The following AUTS2 variants were observed in gnomAD, a reference collection of about 807,000 sequenced individuals.
AUTS2 encodes the protein activator of transcription and developmental regulator AUTS2, also known as autism susceptibility gene 2 protein.
AUTS2 carries 17 observed loss-of-function variants against 112.4 expected under a neutral mutation model. The observed-to-expected ratio is 0.15, with a 90% CI of 0.10 to 0.23. The LOEUF (loss-of-function observed/expected upper bound fraction) is 0.23. Among genes scored for constraint, AUTS2 ranks in the 10% least tolerant of loss-of-function variants. The pLI, the probability that AUTS2 is intolerant of heterozygous loss-of-function variation, is 1.00. For missense variants in AUTS2, 1,510 were observed against 1,701.6 expected, an observed-to-expected ratio of 0.89 and a Z score of 1.98; for synonymous variants, 751 against 702.7, an observed-to-expected ratio of 1.07 and a Z score of -1.09.
Position 70,792,324 on chromosome 7 carries a change from T to G in AUTS2, c.*1328T>G, listed in dbSNP as rs1160287655. On this transcript the variant is annotated 3_prime_UTR_variant, in exon 19 of 19. Transcript: ENST00000342771. The stretch of plus-strand genomic sequence containing the variant: ...CTCTTCATAATACTTTTATAATACA[T>G]TAAGCCTCTTGTCTACATATTTGGA... 6.6e-6 allele frequency: 1 copy of G among 152,586 alleles called. No individual in the cohort carries two copies. The highest frequency in any genetic ancestry group is 1.9e-4 in the East Asian group (1 of 5,192). The allele number at this position is 152,586 out of a possible 1,614,324, so 9.5% of individuals were successfully genotyped here.
Position 70,739,460 on chromosome 7 carries a change from A to G in AUTS2, c.743-23410A>G, listed in dbSNP as rs113198595. 1.0e-3 allele frequency among the ~76,000 whole-genome samples: 157 copies of G among 150,316 alleles called. 1 individual carries two copies. The highest frequency in any genetic ancestry group is 3.8e-3 in the African/African-American group (155 of 40,576). ...CTCCCAAAATGCTGATATTACAGGC[A>G]TGAGCCACTGTGCCCAGTCACATTT... On this transcript the variant is annotated intron_variant, in intron 6 of 18. Transcript: ENST00000342771.
chr7:69,648,181 G>A (rs948126435), intron 1 of AUTS2, among the ~76,000 whole-genome samples: 1 of 152,098 alleles, frequency 6.6e-6, no homozygotes, highest in Non-Finnish European at 1.5e-5. Context: ...GGTTCCCAAA[G>A]CATGATTCCT....
chr7:69,842,011 A>G (rs2129528712), intron 1 of AUTS2, among the ~76,000 whole-genome samples: 1 of 152,326 alleles, frequency 6.6e-6, no homozygotes, highest in South Asian at 2.1e-4. Context: ...TTTTGAATCT[A>G]AATAGTAGGC....
At chr7:70,237,606 A>G (rs533350625) in intron 4 of AUTS2, among the ~76,000 whole-genome samples, 1 of 152,338 alleles carries the variant, frequency 6.6e-6, no homozygotes, top group Non-Finnish European at 1.5e-5. Flanking sequence ...AAGAATCTCA[A>G]TTTAATCCAT....
At chr7:70,118,089 G>A (rs199516001) in intron 2 of AUTS2, 43 bp from the exon 3 acceptor site, 277 of 1,562,124 alleles carry the variant, frequency 1.8e-4, no homozygotes, top group Admixed American at 4.9e-4. Flanking sequence ...CTAAGAAGCA[G>A]ACCACTAACT....
At chr7:69,828,461 T>C (rs529536210) in intron 1 of AUTS2, among the ~76,000 whole-genome samples, 120 of 152,240 alleles carry the variant, frequency 7.9e-4, no homozygotes, top group African/African-American at 2.8e-3. Flanking sequence ...TTTGATGATA[T>C]TGTGGAGCTG....
intron 5 of AUTS2, chr7:70,596,116 G>A (rs979442669): frequency 1.3e-5 from 2 of 152,772 alleles, no homozygotes; most frequent in Non-Finnish European, 2.9e-5. Context: ...GCAGTCTTCT[G>A]AGCTAATTAG....
intron 4 of AUTS2, among the ~76,000 whole-genome samples, chr7:70,320,537 T>TA: frequency 6.6e-6 from 1 of 152,254 alleles, no homozygotes; most frequent in Non-Finnish European, 1.5e-5. Context: ...TTTATCCATT[T>TA]AGCAAACATT....
intron 1 of AUTS2, among the ~76,000 whole-genome samples, chr7:69,667,446 C>T (rs1275040567): frequency 6.7e-6 from 1 of 150,238 alleles, no homozygotes; most frequent in African/African-American, 2.5e-5. Flanking sequence ...GCCTATGCCT[C>T]CTGGGTTCAA....
intron 4 of AUTS2, among the ~76,000 whole-genome samples, chr7:70,361,687 T>G (rs902225341): frequency 6.6e-6 from 1 of 152,078 alleles, no homozygotes; most frequent in African/African-American, 2.4e-5. Context: ...AAGGGTAGGA[T>G]GAACAGAAAG....
At chr7:70,258,830 A>G (rs1787017155) in intron 4 of AUTS2, among the ~76,000 whole-genome samples, 1 of 152,190 alleles carries the variant, frequency 6.6e-6, no homozygotes, top group Non-Finnish European at 1.5e-5. Context: ...GCTTGATGAC[A>G]TTTTGAATAC....
chr7:70,771,449 T>C (rs1255635708), intron 10 of AUTS2, 100 bp from the exon 11 acceptor site: 15 of 911,054 alleles, frequency 1.6e-5, no homozygotes, highest in Non-Finnish European at 2.4e-5. Context: ...TGAGATTACG[T>C]GGCTTGCTCA....
chr7:70,730,633 G>A (rs74675246), intron 6 of AUTS2, among the ~76,000 whole-genome samples: 8,778 of 152,170 alleles, frequency 0.058, 326 homozygotes, highest in Non-Finnish European at 0.088. Flanking sequence ...GATATGCCAC[G>A]TTTTGTTTAT....
intron 1 of AUTS2, among the ~76,000 whole-genome samples, chr7:69,745,993 C>T (rs989616300): frequency 1.3e-5 from 2 of 152,074 alleles, no homozygotes; most frequent in Non-Finnish European, 2.9e-5. Flanking sequence ...CCTGCCTCAA[C>T]TTCTTGAGTG....
At chr7:70,447,328 C>T (rs1476903801) in intron 5 of AUTS2, among the ~76,000 whole-genome samples, 1 of 152,196 alleles carries the variant, frequency 6.6e-6, no homozygotes, top group Non-Finnish European at 1.5e-5. Flanking sequence ...GGTTCTGTAA[C>T]TTACATTATA....
At chr7:69,971,979 C>T (rs111378843) in intron 2 of AUTS2, among the ~76,000 whole-genome samples, 1 of 152,066 alleles carries the variant, frequency 6.6e-6, no homozygotes, top group African/African-American at 2.4e-5. Flanking sequence ...ATAGTATTTG[C>T]GTGGTTAATT....
intron 2 of AUTS2, among the ~76,000 whole-genome samples, chr7:70,023,674 C>A (rs1044582448): frequency 2.6e-5 from 4 of 152,116 alleles, no homozygotes; most frequent in African/African-American, 9.7e-5. Flanking sequence ...ATTCATTAAA[C>A]TAAACACTCA....
chr7:69,766,216 T>C (rs1301157254), intron 1 of AUTS2, among the ~76,000 whole-genome samples: 1 of 152,258 alleles, frequency 6.6e-6, no homozygotes, highest in Non-Finnish European at 1.5e-5. Flanking sequence ...TGTCTTTTTG[T>C]GACTAGTTTA....
intron 2 of AUTS2, among the ~76,000 whole-genome samples, chr7:70,018,919 C>G (rs920821707): frequency 1.3e-5 from 2 of 151,950 alleles, no homozygotes; most frequent in Non-Finnish European, 2.9e-5. Context: ...GGGTATATAC[C>G]CAAAGGAATA....
Sources: gnomAD v4.1 joint callset for allele counts (sites outside exome capture counted in the v4.1 genomes callset) on GRCh38, gnomAD v4.1.1 for gene constraint, MANE v1.5 for transcripts, NCBI Gene and HGNC (gene_info 2026-07-23, HGNC 2026-07-21) for gene names.